IKZF3: variants seen among roughly 807,000 people sequenced by gnomAD.
IKZF3 encodes IKAROS family zinc finger 3, also known as zinc finger protein Aiolos.
A neutral mutation model predicts 49.0 loss-of-function variants in IKZF3; 10 were observed. The observed-to-expected ratio is 0.20, with a 90% confidence interval of 0.13 to 0.35. The LOEUF (loss-of-function observed/expected upper bound fraction) is 0.35. Among genes scored for constraint, IKZF3 ranks in the 10% least tolerant of loss-of-function variants. The pLI is 1.00. For synonymous variants in IKZF3, 209 were observed against 228.2 expected, an observed-to-expected ratio of 0.92 and a Z score of 0.76; for missense variants, 498 against 664.8, an observed-to-expected ratio of 0.75 and a Z score of 2.76.
At chr17:39,793,106 AG>A (rs2061071121) in intron 3 of IKZF3, among the ~76,000 whole-genome samples, 173 bp from the exon 4 acceptor site, 1 of 152,284 alleles carries the variant, frequency 6.6e-6, no homozygotes, top group South Asian at 2.1e-4. Flanking sequence ...ATTTAAATTC[AG>A]AACCACAGTC....
intron 3 of IKZF3, among the ~76,000 whole-genome samples, chr17:39,797,947 C>G (rs1405716422): frequency 6.6e-6 from 1 of 152,006 alleles, no homozygotes; most frequent in Non-Finnish European, 1.5e-5. Flanking sequence ...TAACCTCTCT[C>G]CCTTTCTTTA....
At chr17:39,860,106 G>T (rs1049351608) in intron 1 of IKZF3, among the ~76,000 whole-genome samples, 2 of 152,058 alleles carry the variant, frequency 1.3e-5, no homozygotes, top group Admixed American at 6.6e-5. Context: ...GGTCATGGCG[G>T]TTTGTACAAT....
chr17:39,792,941 G>A lies in IKZF3; in HGVS notation c.164-8C>T, dbSNP rs1158508257. 1 of 1,610,050 alleles carries A rather than the reference G, an allele frequency of 6.2e-7. No individual in the cohort carries two copies. Among genetic ancestry groups the A allele is most frequent in the Non-Finnish European group, 8.5e-7 (1 of 1,178,258 alleles). The stretch of plus-strand genomic sequence containing the variant: ...TCACTTTCATTGAATCATCTGCAGG[G>A]AAGAAAATGCAAGAAATGAACAACG... On this transcript the variant is annotated splice_polypyrimidine_tract_variant and splice_region_variant and intron_variant, in intron 3 of 7. Coordinates refer to ENST00000346872, the MANE Select transcript of IKZF3 (RefSeq NM_012481.5).
In IKZF3 at chr17:39,789,406, T is replaced by TA. The variant is rs1327303250; in HGVS notation, c.593-1033dup. Among the ~76,000 whole-genome samples the TA allele has an allele frequency of 3.3e-5, 5 of 152,046 alleles. No homozygotes were observed. The East Asian group carries it at 7.7e-4, about 24-fold the overall frequency. On this transcript the variant is annotated intron_variant, in intron 5 of 7. Transcript: ENST00000346872. ...GGTGAAACCCCATCTCTACTAAAAA[T>TA]ACAAAAATTAGCCAGGCGTGATGGC...
intron 1 of IKZF3, among the ~76,000 whole-genome samples, chr17:39,832,411 C>T (rs1368680378): frequency 6.6e-6 from 1 of 151,306 alleles, no homozygotes; most frequent in African/African-American, 2.4e-5. Flanking sequence ...AAAGTGGGTT[C>T]CATTAGAAAT....
At chr17:39,823,810 A>G (rs2061878715) in intron 3 of IKZF3, among the ~76,000 whole-genome samples, 1 of 152,208 alleles carries the variant, frequency 6.6e-6, no homozygotes, top group Non-Finnish European at 1.5e-5. Flanking sequence ...CTCTGCTTAG[A>G]TTTCAGAGGA....
At position 39,803,074 on chromosome 17, in the gene IKZF3, A is replaced by G. The variant is rs2061358514; in HGVS notation, c.164-10141T>C. ...GAAGAAGAGGAGATTTACTACTTTTACAACAGAAATACACTATACATCAGC... is the reference window on the plus strand; with the variant it reads ...GAAGAAGAGGAGATTTACTACTTTTGCAACAGAAATACACTATACATCAGC... On this transcript the variant is annotated intron_variant, in intron 3 of 7. Coordinates refer to ENST00000346872, the MANE Select transcript of IKZF3 (RefSeq NM_012481.5). 2.0e-5 allele frequency among the ~76,000 whole-genome samples: 3 copies of G among 152,216 alleles called. No individual in the cohort carries two copies. The South Asian group carries it at 6.2e-4, about 31-fold the overall frequency.
chr17:39,795,793 C>T (rs2061146811), intron 3 of IKZF3, among the ~76,000 whole-genome samples: 1 of 151,032 alleles, frequency 6.6e-6, no homozygotes, highest in African/African-American at 2.4e-5. Context: ...TGGCTCATGC[C>T]TGTAATCTCA....
chr17:39,848,501 T>C (rs1317567690), intron 1 of IKZF3, among the ~76,000 whole-genome samples: 11 of 152,198 alleles, frequency 7.2e-5, no homozygotes, highest in African/African-American at 1.9e-4. Context: ...ATCTAACATA[T>C]TGAAATGAAG....
intron 1 of IKZF3, among the ~76,000 whole-genome samples, chr17:39,854,425 C>CA (rs530834645): frequency 9.2e-5 from 14 of 151,442 alleles, no homozygotes; most frequent in Admixed American, 2.6e-4. Flanking sequence ...CTAAACTAAA[C>CA]AAAAAAAATC....
intron 3 of IKZF3, among the ~76,000 whole-genome samples, chr17:39,815,165 C>T (rs1458353680): frequency 6.6e-6 from 1 of 152,216 alleles, no homozygotes; most frequent in Non-Finnish European, 1.5e-5. Flanking sequence ...CATATACATG[C>T]TCATGACAGA....
chr17:39,765,998 A>G lies in IKZF3; in HGVS notation c.1322T>C (p.Val441Ala). The G allele has an allele frequency of 6.2e-7, 1 of 1,614,184 alleles. No homozygotes were observed. Among genetic ancestry groups the G allele is most frequent in the Admixed American group, 1.7e-5 (1 of 60,030 alleles). ...PPICPRDSVK[V>A]INKEGEVMDV... The stretch of plus-strand genomic sequence containing the variant: ...CATCACCTCCCCTTCCTTGTTGATC[A>G]CTTTGACGGAGTCTCTTGGGCAGAT... The change falls in exon 8 of 8, where the codon GTG (valine) becomes GCG (alanine). Residue 441 changes from valine to alanine, a missense_variant. By Grantham distance (64) the Val-to-Ala change is moderately conservative (BLOSUM62 0). Around this residue, in one of 3 missense-constraint regions of IKZF3, gnomAD observed 317 missense variants for 397.3 expected, o/e 0.80. Coordinates refer to ENST00000346872, the MANE Select transcript of IKZF3 (RefSeq NM_012481.5).
chr17:39,789,672 G>A (rs2060964219), intron 5 of IKZF3, among the ~76,000 whole-genome samples: 1 of 151,972 alleles, frequency 6.6e-6, no homozygotes, highest in East Asian at 1.9e-4. Context: ...AGGTTGCAGT[G>A]AGCTGAGATG....
chr17:39,813,939 C>T (rs1336149869), intron 3 of IKZF3, among the ~76,000 whole-genome samples: 3 of 152,236 alleles, frequency 2.0e-5, no homozygotes, highest in Non-Finnish European at 4.4e-5. Flanking sequence ...CTAAGCGAGG[C>T]TGACGCGGTC....
In IKZF3 at chr17:39,761,428, T is replaced by C. The variant is rs900138461; in HGVS notation, c.*4362A>G. On this transcript the variant is annotated 3_prime_UTR_variant, in exon 8 of 8. Coordinates refer to ENST00000346872, the MANE Select transcript of IKZF3 (RefSeq NM_012481.5). The stretch of plus-strand genomic sequence containing the variant: ...CACTTCAGGTAGTGACAGAAAACAT[T>C]TGGAGAGCTGGGCATTGTTTGTGCA... 6.6e-5 allele frequency: 10 copies of C among 150,872 alleles called. No individual in the cohort carries two copies. Among genetic ancestry groups the C allele is most frequent in the Non-Finnish European group, 1.3e-4 (9 of 67,692 alleles). The allele number at this position is 150,872 out of a possible 1,614,324, so 9.3% of individuals were successfully genotyped here. A position where few individuals can be genotyped will look rare whatever the true frequency, so the allele number is the denominator to read the frequency against.
chr17:39,810,070 C>T (rs768205193), intron 3 of IKZF3, among the ~76,000 whole-genome samples: 7 of 152,152 alleles, frequency 4.6e-5, no homozygotes, highest in African/African-American at 9.7e-5. Flanking sequence ...CCCATAAACA[C>T]GAAATTTCAC....
chr17:39,770,971 A>G (rs1188381246), intron 7 of IKZF3, among the ~76,000 whole-genome samples: 1 of 152,050 alleles, frequency 6.6e-6, no homozygotes, highest in East Asian at 1.9e-4. Context: ...ATGCCTGGCT[A>G]ATTTTTGTAT....
chr17:39,829,079 G>C (rs984893636), intron 3 of IKZF3, among the ~76,000 whole-genome samples: 3 of 151,926 alleles, frequency 2.0e-5, no homozygotes, highest in Non-Finnish European at 4.4e-5. Flanking sequence ...TTGGTTTGTT[G>C]GTGTCAGAAA....
chr17:39,766,160 G>A lies in IKZF3; in HGVS notation c.1160C>T (p.Thr387Met), dbSNP rs747127325. 3 of 1,614,054 alleles carry A rather than the reference G, an allele frequency of 1.9e-6. No homozygotes were observed. The highest frequency in any genetic ancestry group is 1.7e-6 in the Non-Finnish European group (2 of 1,179,984). The change falls in exon 8 of 8, where the codon ACG (threonine) becomes ATG (methionine). Residue 387 changes from threonine to methionine, a missense_variant. Thr to Met is a moderately conservative substitution (Grantham distance 81). This residue lies in a region of IKZF3 where 317 missense variants were observed against 397.3 expected (regional missense o/e 0.80). Transcript: ENST00000346872. ...TTCTTCATGGTTGCTGTCAGTGTCC[G>A]TGGAGTCGTGGCCACTATTGTTGGG... Reference protein sequence around the residue: ...LSPNNSGHDSTDTDSNHEERQ... With the variant: ...LSPNNSGHDSMDTDSNHEERQ...
Sources: allele counts gnomAD v4.1 joint callset (sites outside exome capture counted in the v4.1 genomes callset), GRCh38; gene constraint gnomAD v4.1.1; regional missense constraint gnomAD v4.1.1; transcripts MANE v1.5; gene names NCBI Gene and HGNC (gene_info 2026-07-23, HGNC 2026-07-21).